The following CAMK1D variants were observed in gnomAD, a reference collection of about 807,000 sequenced individuals.
CAMK1D encodes calcium/calmodulin-dependent protein kinase type 1D.
CAMK1D carries 9 observed loss-of-function variants against 47.7 expected under a neutral mutation model. The observed-to-expected ratio is 0.19, with a 90% CI of 0.11 to 0.33. The LOEUF is 0.33. Among genes scored for constraint, CAMK1D ranks in the 10% least tolerant of loss-of-function variants. CAMK1D has a pLI of 1.00. For synonymous variants in CAMK1D, 184 were observed against 184.9 expected (o/e 0.99, Z 0.04); for missense variants, 291 against 488.7 (o/e 0.60, Z 3.81).
At chr10:12,545,774 C>T (rs938190083) in intron 1 of CAMK1D, among the ~76,000 whole-genome samples, 5 of 150,234 alleles carry the variant, frequency 3.3e-5, no homozygotes, top group Admixed American at 6.6e-5. Context: ...CACTCCAGCC[C>T]GGGTGACAGA....
intron 1 of CAMK1D, among the ~76,000 whole-genome samples, chr10:12,384,835 A>G (rs1287091407): frequency 6.6e-6 from 1 of 152,234 alleles, no homozygotes; most frequent in Non-Finnish European, 1.5e-5. Context: ...GGATACCATC[A>G]AGACAGTGAA....
Position 12,831,553 on chromosome 10 carries a change from A to T in CAMK1D, c.*2666A>T, listed in dbSNP as rs1365539476. 1 of 152,220 alleles carries T rather than the reference A, an allele frequency of 6.6e-6. No individual in the cohort carries two copies. The allele number at this position is 152,220 out of a possible 1,614,324, so 9.4% of individuals were successfully genotyped here. A position where few individuals can be genotyped will look rare whatever the true frequency, so the allele number is the denominator to read the frequency against. On this transcript the variant is annotated 3_prime_UTR_variant, in exon 11 of 11. Transcript: ENST00000619168. Reference sequence around the variant, plus strand: ...TGCACTTAGTTTGAAAGTATCCCTCACCCAAAAAGTGCAGAACCTCTGAAA... The same window carrying T: ...TGCACTTAGTTTGAAAGTATCCCTCTCCCAAAAAGTGCAGAACCTCTGAAA...
At chr10:12,548,540 C>T (rs938959281) in intron 1 of CAMK1D, among the ~76,000 whole-genome samples, 33 of 146,292 alleles carry the variant, frequency 2.3e-4, no homozygotes, top group African/African-American at 8.3e-4. Flanking sequence ...TCATGGCTCA[C>T]TGCAGCCTTG....
At chr10:12,357,701 C>T (rs1220682162) in intron 1 of CAMK1D, among the ~76,000 whole-genome samples, 3 of 152,132 alleles carry the variant, frequency 2.0e-5, no homozygotes, top group Non-Finnish European at 4.4e-5. Flanking sequence ...ACGTTATTTT[C>T]CTGATGCAAG....
chr10:12,371,187 C>CCACT (rs370568920), intron 1 of CAMK1D, among the ~76,000 whole-genome samples: 54 of 151,992 alleles, frequency 3.6e-4, no homozygotes, highest in Admixed American at 1.7e-3. Flanking sequence ...CATTCACTCA[C>CCACT]CACTCACTCA....
intron 1 of CAMK1D, among the ~76,000 whole-genome samples, chr10:12,519,294 C>T (rs1295232218): frequency 7.4e-5 from 4 of 54,206 alleles, no homozygotes; most frequent in Non-Finnish European, 1.2e-4. Context: ...GCAGAGGGGT[C>T]CTCACTTCCC....
At chr10:12,412,919 G>A (rs191807144) in intron 1 of CAMK1D, among the ~76,000 whole-genome samples, 10 of 152,202 alleles carry the variant, frequency 6.6e-5, no homozygotes, top group African/African-American at 2.2e-4. Context: ...ATCCTACTGC[G>A]TTTTGCCACT....
intron 4 of CAMK1D, 73 bp from the exon 5 acceptor site, chr10:12,769,600 G>A: frequency 6.5e-7 from 1 of 1,546,846 alleles, no homozygotes; most frequent in Non-Finnish European, 8.8e-7. Context: ...AGGTTTTGCA[G>A]CTGAATGAGT....
chr10:12,526,686 G>T (rs575097173), intron 1 of CAMK1D, among the ~76,000 whole-genome samples: 2 of 152,312 alleles, frequency 1.3e-5, no homozygotes, highest in East Asian at 3.9e-4. Flanking sequence ...GGGAGGCTGA[G>T]GTAGGTGGAT....
intron 2 of CAMK1D, among the ~76,000 whole-genome samples, chr10:12,580,391 G>A (rs952473061): frequency 8.7e-6 from 1 of 114,314 alleles, no homozygotes; most frequent in African/African-American, 3.8e-5. Flanking sequence ...GGAGCCTGCT[G>A]TTTCTCACCC....
At chr10:12,675,096 A>G (rs894129682) in intron 3 of CAMK1D, among the ~76,000 whole-genome samples, 43 of 151,816 alleles carry the variant, frequency 2.8e-4, no homozygotes, top group Non-Finnish European at 1.9e-4. Flanking sequence ...CACTGCCTCA[A>G]CTCCTCCCCC....
intron 1 of CAMK1D, among the ~76,000 whole-genome samples, chr10:12,373,312 C>CA (rs756752723): frequency 0.31 from 44,379 of 141,630 alleles, 7,291 homozygotes; most frequent in Middle Eastern, 0.38. Flanking sequence ...GAGCCTGTCT[C>CA]AATAAAAAAG....
chr10:12,821,663 T>C (rs139188602), intron 8 of CAMK1D, among the ~76,000 whole-genome samples: 1 of 152,352 alleles, frequency 6.6e-6, no homozygotes, highest in African/African-American at 2.4e-5. Context: ...CTATCTGCAT[T>C]GTTCTTGTAG....
intron 2 of CAMK1D, among the ~76,000 whole-genome samples, chr10:12,554,028 T>G (rs1244811368): frequency 6.6e-6 from 1 of 152,052 alleles, no homozygotes; most frequent in Non-Finnish European, 1.5e-5. Context: ...GTTCACTGTT[T>G]CAGTGCTTAC....
At chr10:12,425,284 CTT>C (rs778105667) in intron 1 of CAMK1D, among the ~76,000 whole-genome samples, 19 of 140,916 alleles carry the variant, frequency 1.3e-4, no homozygotes, top group Non-Finnish European at 1.4e-4. Flanking sequence ...TTCTTTCTTT[CTT>C]TTTTTTTTTT....
chr10:12,742,944 T>G (rs1564529820), intron 3 of CAMK1D, among the ~76,000 whole-genome samples: 1 of 152,038 alleles, frequency 6.6e-6, no homozygotes, highest in Non-Finnish European at 1.5e-5. Flanking sequence ...CAGCAGGTGT[T>G]AAAAGAGGAA....
At chr10:12,640,628 G>A (rs1263507168) in intron 2 of CAMK1D, among the ~76,000 whole-genome samples, 1 of 151,754 alleles carries the variant, frequency 6.6e-6, no homozygotes, top group Non-Finnish European at 1.5e-5. Flanking sequence ...TTTCTTATGT[G>A]AGCTATAAGT....
intron 1 of CAMK1D, among the ~76,000 whole-genome samples, chr10:12,421,341 A>T (rs1840041479): frequency 6.6e-6 from 1 of 152,042 alleles, no homozygotes; most frequent in Admixed American, 6.6e-5. Context: ...GGGCAGGACA[A>T]GCCCAGTGTG....
At chr10:12,742,377 C>T (rs1373797805) in intron 3 of CAMK1D, among the ~76,000 whole-genome samples, 1 of 152,200 alleles carries the variant, frequency 6.6e-6, no homozygotes, top group South Asian at 2.1e-4. Flanking sequence ...TCAGGCAATC[C>T]GCCTGCCTTG....
Sources: gnomAD v4.1 joint callset for allele counts (sites outside exome capture counted in the v4.1 genomes callset) on GRCh38, gnomAD v4.1.1 for gene constraint, MANE v1.5 for transcripts, NCBI Gene and HGNC (gene_info 2026-07-23, HGNC 2026-07-21) for gene names.